Variants in RIN2 observed in about 807,000 individuals in gnomAD.
The protein encoded by RIN2 is Ras and Rab interactor 2, also known as RAB5 interacting protein 2.
A neutral mutation model predicts 78.0 loss-of-function variants in RIN2; 36 were observed. The ratio of observed to expected loss-of-function variants is 0.46; its 90% CI spans 0.35 to 0.61. The LOEUF (loss-of-function observed/expected upper bound fraction) is 0.61, where lower values mean the gene tolerates loss of function less well. Among genes scored for constraint, RIN2 ranks in the 20% least tolerant of loss-of-function variants. The pLI is 0.00. For synonymous variants in RIN2, 466 were observed against 466.8 expected, an observed-to-expected ratio of 1.00 and a Z score of 0.02; for missense variants, 1,087 against 1,159.7, an observed-to-expected ratio of 0.94 and a Z score of 0.91.
At chr20:19,832,227 C>T (rs761412465) in intron 2 of RIN2, among the ~76,000 whole-genome samples, 21 of 150,508 alleles carry the variant, frequency 1.4e-4, no homozygotes, top group African/African-American at 2.5e-4. Context: ...AGGACGCAGG[C>T]GGCCTCTGAT....
chr20:19,865,280 G>C (rs1477153723), intron 2 of RIN2, among the ~76,000 whole-genome samples: 1 of 152,116 alleles, frequency 6.6e-6, no homozygotes, highest in East Asian at 1.9e-4. Flanking sequence ...TTTCTATACA[G>C]TATAGTCACA....
chr20:19,931,535 T>G (rs954355037), intron 3 of RIN2, among the ~76,000 whole-genome samples: 4 of 152,150 alleles, frequency 2.6e-5, no homozygotes, highest in African/African-American at 9.7e-5. Context: ...ATTTGTTAAT[T>G]TGTTATGTCA....
chr20:19,892,286 G>A (rs6136876), intron 3 of RIN2, among the ~76,000 whole-genome samples: 6 of 152,180 alleles, frequency 3.9e-5, no homozygotes, highest in East Asian at 1.9e-4. Flanking sequence ...GTGCGATCTC[G>A]GCTCACTGCA....
intron 12 of RIN2, 150 bp downstream of exon 12, chr20:19,996,992 A>C (rs1489133773): frequency 1.2e-6 from 1 of 805,366 alleles, no homozygotes; most frequent in Non-Finnish European, 1.9e-6. Context: ...TGTTACACTG[A>C]TCTGTTTTCT....
chr20:19,828,503 C>T (rs2036159648), intron 2 of RIN2, among the ~76,000 whole-genome samples: 1 of 152,146 alleles, frequency 6.6e-6, no homozygotes, highest in South Asian at 2.1e-4. Context: ...ATTTCTGCAG[C>T]AGGAATGAAT....
At chr20:19,914,733 G>A (rs1054990939) in intron 3 of RIN2, among the ~76,000 whole-genome samples, 1 of 152,156 alleles carries the variant, frequency 6.6e-6, no homozygotes, top group Non-Finnish European at 1.5e-5. Context: ...AGACTCTCAG[G>A]CCCTACGGAA....
intron 7 of RIN2, among the ~76,000 whole-genome samples, chr20:19,969,518 C>A (rs1028875594): frequency 5.9e-5 from 9 of 152,184 alleles, no homozygotes; most frequent in African/African-American, 1.7e-4. Flanking sequence ...CTCAAACACT[C>A]TTTATTCTCC....
Position 20,001,153 on chromosome 20 carries a change from A to C in RIN2, c.*217A>C. On this transcript the variant is annotated 3_prime_UTR_variant, in exon 13 of 13. Coordinates refer to ENST00000255006, the MANE Select transcript of RIN2 (RefSeq NM_018993.4). ...TAGGATTCTCTTTTGGCAATGGAGA[A>C]TTGCATCTGATGGTTCAAGTGTCCT... 1 of 545,658 alleles carries C rather than the reference A, an allele frequency of 1.8e-6. No individual in the cohort carries two copies. Among genetic ancestry groups the C allele is most frequent in the Non-Finnish European group, 3.3e-6 (1 of 306,026 alleles). 33.8% of individuals were successfully genotyped at this position (545,658 alleles called of 1,614,324 possible). A position where few individuals can be genotyped will look rare whatever the true frequency, so the allele number is the denominator to read the frequency against.
intron 2 of RIN2, among the ~76,000 whole-genome samples, chr20:19,858,340 G>T (rs969172031): frequency 2.0e-5 from 3 of 152,154 alleles, no homozygotes; most frequent in Non-Finnish European, 4.4e-5. Flanking sequence ...CAACAAATTA[G>T]GGGAATAGAT....
At position 19,975,501 on chromosome 20, in the gene RIN2, C is replaced by G. The variant is rs1353994968; in HGVS notation, c.1476C>G (p.Leu492=). Residue 492 remains leucine, a synonymous_variant, in exon 9 of 13, where the codon CTC becomes CTG. Transcript: ENST00000255006. The surrounding 1 kb of genome is among the most constrained non-coding windows in gnomAD (Gnocchi z 4.9). The part of the protein sequence containing the change: ...KRSSSFVLPK[L]VKSQLQKVSG... ...GCAGCTCCTTCGTGCTGCCCAAGCT[C>G]GTCAAGTCCCAGCTGCAGAAGGTGA... is the stretch of plus-strand genomic sequence containing the variant. 1.2e-6 allele frequency: 2 copies of G among 1,613,926 alleles called. No homozygotes were observed. Among genetic ancestry groups the G allele is most frequent in the Non-Finnish European group, 1.7e-6 (2 of 1,179,902 alleles).
At chr20:19,764,937 T>TTTTTTTG (rs2033819010) in intron 1 of RIN2, among the ~76,000 whole-genome samples, 1 of 132,556 alleles carries the variant, frequency 7.5e-6, no homozygotes, top group African/African-American at 2.9e-5. Flanking sequence ...TTTTTTTTTT[T>TTTTTTTG]TTTTTTGACA....
Position 19,992,222 on chromosome 20 carries a change from A to T in RIN2, c.2123A>T (p.Gln708Leu). The T allele has an allele frequency of 6.2e-7, 1 of 1,610,336 alleles. No homozygotes were observed. The highest frequency in any genetic ancestry group is 1.7e-5 in the Admixed American group (1 of 59,580). Reference protein sequence around the residue: ...FLPVLTYVIAQCDMLELDTEI... With the variant: ...FLPVLTYVIALCDMLELDTEI... Reference sequence around the variant, plus strand: ...CCAGTCCTGACCTATGTCATAGCCCAGTGTGACATGCTTGAATTGGACACT... The same window carrying T: ...CCAGTCCTGACCTATGTCATAGCCCTGTGTGACATGCTTGAATTGGACACT... The change falls in exon 11 of 13, where the codon CAG becomes CTG. Residue 708 changes from glutamine to leucine, a missense_variant. Physicochemically the swap from Gln to Leu is moderately radical, Grantham distance 113 (BLOSUM62 -2). This residue lies in a region of RIN2 where 45 missense variants were observed against 88.1 expected (regional missense o/e 0.51). Transcript: ENST00000255006.
intron 2 of RIN2, among the ~76,000 whole-genome samples, chr20:19,878,629 G>A (rs887248333): frequency 1.5e-4 from 23 of 152,052 alleles, no homozygotes; most frequent in Admixed American, 1.2e-3. Flanking sequence ...TAAAGTATAA[G>A]TGAACTTCCA....
At chr20:19,765,932 G>C (rs2033866321) in intron 1 of RIN2, among the ~76,000 whole-genome samples, 1 of 152,088 alleles carries the variant, frequency 6.6e-6, no homozygotes. Flanking sequence ...AGGGAGGGAG[G>C]GAAGGAGGGA....
chr20:19,968,689 A>G (rs995960656), intron 7 of RIN2, among the ~76,000 whole-genome samples: 8 of 152,224 alleles, frequency 5.3e-5, no homozygotes, highest in African/African-American at 1.9e-4. Context: ...TGAGCAAGGT[A>G]AAAGCTTAAT....
chr20:19,813,536 T>C (rs920972389), intron 2 of RIN2, among the ~76,000 whole-genome samples: 3 of 152,136 alleles, frequency 2.0e-5, no homozygotes, highest in Non-Finnish European at 4.4e-5. Context: ...ATTATAACAA[T>C]TGGGCAAATG....
intron 3 of RIN2, among the ~76,000 whole-genome samples, chr20:19,921,156 C>T (rs560001461): frequency 6.6e-6 from 1 of 152,158 alleles, no homozygotes; most frequent in Non-Finnish European, 1.5e-5. Context: ...CCACTTTGAT[C>T]TCTTTTGTAT....
At chr20:19,952,113 C>G (rs1238830534) in intron 4 of RIN2, among the ~76,000 whole-genome samples, 1 of 152,220 alleles carries the variant, frequency 6.6e-6, no homozygotes, top group African/African-American at 2.4e-5. Context: ...CCTGGTCCCA[C>G]AGGGAGCTCA....
chr20:19,841,325 T>C (rs141790526), intron 2 of RIN2, among the ~76,000 whole-genome samples: 1 of 152,210 alleles, frequency 6.6e-6, no homozygotes, highest in East Asian at 1.9e-4. Context: ...TTTTTGGCAG[T>C]GCTGGCTTGA....
Sources: allele counts gnomAD v4.1 joint callset (sites outside exome capture counted in the v4.1 genomes callset), GRCh38; gene constraint gnomAD v4.1.1; regional missense constraint gnomAD v4.1.1; non-coding constraint Gnocchi (gnomAD v3.1); transcripts MANE v1.5; gene names NCBI Gene and HGNC (gene_info 2026-07-23, HGNC 2026-07-21).